Variants in ZNF714 observed in about 807,000 individuals in gnomAD.
ZNF714 encodes the protein zinc finger protein 714.
ZNF714 carries 32 observed loss-of-function variants against 46.2 expected under a neutral mutation model. The observed-to-expected ratio is 0.69, with a 90% CI of 0.52 to 0.93. The LOEUF is 0.93. Among genes scored for constraint, ZNF714 ranks in the 40% least tolerant of loss-of-function variants. The probability of loss-of-function intolerance (pLI) is 0.00; values close to 1 mark genes in which losing one functional copy is unlikely to be tolerated. For missense variants in ZNF714, 635 were observed against 646.3 expected (o/e 0.98, Z 0.19); for synonymous variants, 199 against 213.1 (o/e 0.93, Z 0.58).
chr19:21,108,810 A>G (rs748053951), intron 4 of ZNF714, among the ~76,000 whole-genome samples: 7 of 152,114 alleles, frequency 4.6e-5, no homozygotes, highest in African/African-American at 7.2e-5. Flanking sequence ...TTTTATCTGA[A>G]TTTTCTATTT....
chr19:21,109,474 C>T, intron 4 of ZNF714: 1 of 175,140 alleles, frequency 5.7e-6, no homozygotes, highest in Non-Finnish European at 1.1e-5. Flanking sequence ...GATTCCTCAA[C>T]CTCCAAAAGT....
At chr19:21,085,074 G>T (rs1488892455) in intron 2 of ZNF714, among the ~76,000 whole-genome samples, 1 of 151,970 alleles carries the variant, frequency 6.6e-6, no homozygotes, top group Non-Finnish European at 1.5e-5. Flanking sequence ...GTTTTTTATG[G>T]CTAGGTGAAT....
At chr19:21,105,931 G>A (rs1171939869) in intron 4 of ZNF714, among the ~76,000 whole-genome samples, 5 of 151,756 alleles carry the variant, frequency 3.3e-5, no homozygotes, top group Non-Finnish European at 7.4e-5. Context: ...CTCCAGCCTT[G>A]GTGACAGAAT....
intron 2 of ZNF714, chr19:21,091,400 A>C (rs1016050105): frequency 6.6e-6 from 1 of 152,050 alleles, no homozygotes; most frequent in Non-Finnish European, 1.5e-5. Flanking sequence ...CTTCTATCTC[A>C]CCTTGTGAGT....
intron 4 of ZNF714, among the ~76,000 whole-genome samples, chr19:21,112,351 C>T (rs1969466394): frequency 6.6e-6 from 1 of 152,014 alleles, no homozygotes; most frequent in African/African-American, 2.4e-5. Flanking sequence ...TTATCCATTT[C>T]TTCTAGATTT....
chr19:21,106,345 G>A (rs566169838), intron 4 of ZNF714, among the ~76,000 whole-genome samples: 12 of 151,980 alleles, frequency 7.9e-5, no homozygotes, highest in South Asian at 4.2e-4. Flanking sequence ...CGAGGCGGGC[G>A]GATCACGAGG....
intron 1 of ZNF714, among the ~76,000 whole-genome samples, chr19:21,083,714 G>T (rs1968712103): frequency 6.6e-6 from 1 of 152,098 alleles, no homozygotes; most frequent in African/African-American, 2.4e-5. Flanking sequence ...AGAAAGCAAA[G>T]AATAATCCCC....
chr19:21,085,688 G>C (rs899772874), intron 2 of ZNF714, among the ~76,000 whole-genome samples: 2 of 152,156 alleles, frequency 1.3e-5, no homozygotes, highest in African/African-American at 4.8e-5. Context: ...CTCCCCTGCA[G>C]ATGTCCAGTC....
chr19:21,098,751 C>A, intron 3 of ZNF714, 61 bp from the exon 4 acceptor site: 2 of 1,084,250 alleles, frequency 1.8e-6, no homozygotes, highest in Non-Finnish European at 2.7e-6. Flanking sequence ...TTACTGAGCA[C>A]AGTACTAGGT....
intron 2 of ZNF714, among the ~76,000 whole-genome samples, chr19:21,097,157 C>T (rs373049382): frequency 7.9e-5 from 12 of 152,266 alleles, no homozygotes; most frequent in Middle Eastern, 3.4e-3. Context: ...TGAGCCACCA[C>T]GCCCGGCCTG....
At position 21,098,901 on chromosome 19, in the gene ZNF714, G is replaced by GAAT; in HGVS notation, c.134_136dup (p.Glu45_Ser46insTer). The GAAT allele has an allele frequency of 6.3e-7, 1 of 1,589,830 alleles. No individual in the cohort carries two copies. The highest frequency in any genetic ancestry group is 1.1e-5 in the South Asian group (1 of 89,474). Reference sequence around the variant, plus strand: ...TATGAAGATATGTGAGATGGTGGATGAATCCCCAGGTAGGTGAGAGTGAAC... The same window carrying GAAT: ...TATGAAGATATGTGAGATGGTGGATGAATAATCCCCAGGTAGGTGAGAGTGAAC... On this transcript the variant is annotated stop_gained and inframe_insertion, in exon 4 of 5. Transcript: ENST00000456283. LOFTEE classifies it high-confidence loss of function.
At chr19:21,089,382 C>T (rs759835390) in intron 2 of ZNF714, among the ~76,000 whole-genome samples, 10 of 152,168 alleles carry the variant, frequency 6.6e-5, no homozygotes, top group African/African-American at 9.7e-5. Context: ...TCAGGTCAAA[C>T]GGCCAATATC....
intron 4 of ZNF714, among the ~76,000 whole-genome samples, chr19:21,114,365 G>C (rs1969537629): frequency 6.8e-6 from 1 of 147,186 alleles, no homozygotes; most frequent in South Asian, 2.2e-4. Context: ...GAACCCAGGA[G>C]ATGGAGCTTG....
intron 2 of ZNF714, among the ~76,000 whole-genome samples, chr19:21,096,137 TCTGTGGCAGGGGAGGGC>T (rs1969035464): frequency 2.0e-5 from 3 of 152,178 alleles, no homozygotes; most frequent in Non-Finnish European, 4.4e-5. Flanking sequence ...ATTGTTGGTG[TCTGTGGCAGGGGAGGGC>T]ACCTGTGGAC....
chr19:21,098,411 A>C (rs1969093907), intron 3 of ZNF714, 100 bp downstream of exon 3: 1 of 1,406,732 alleles, frequency 7.1e-7, no homozygotes, highest in Non-Finnish European at 9.8e-7. Flanking sequence ...TGTATAAATG[A>C]GTTTCTGATC....
rs71176814 is a variant in ZNF714 at position 21,118,451 on chromosome 19, CAAAAAAA to C, written c.*130_*136del. 0.015 allele frequency: 2,451 copies of C among 165,386 alleles called. 79 individuals are homozygous for C. The highest frequency in any genetic ancestry group is 0.074 in the African/African-American group (2,307 of 31,304). 10.2% of individuals were successfully genotyped at this position (165,386 alleles called of 1,614,324 possible). Reference sequence around the variant, plus strand: ...TGGGCCACAAGGCAAGACTCTGTCTCAAAAAAAAAAAAAAAAAGAAAAGAAAATTCAT... The same window carrying C: ...TGGGCCACAAGGCAAGACTCTGTCTCAAAAAAAAAAGAAAAGAAAATTCAT... On this transcript the variant is annotated 3_prime_UTR_variant, in exon 5 of 5. Transcript: ENST00000456283.
chr19:21,117,948 A>G lies in ZNF714; in HGVS notation c.1284A>G (p.Glu428=). ...IHTGEKLYKC[E]ECGKAFNRSS... The stretch of plus-strand genomic sequence containing the variant: ...CTGGAGAGAAACTCTACAAATGTGA[A>G]GAATGTGGCAAAGCTTTTAACCGAT... Residue 428 remains glutamate, a synonymous_variant, in exon 5 of 5, where the codon GAA becomes GAG. Coordinates refer to ENST00000456283, the MANE Select transcript of ZNF714 (RefSeq NM_182515.4). 2 of 1,613,454 alleles carry G rather than the reference A, an allele frequency of 1.2e-6. No individual in the cohort carries two copies. Among genetic ancestry groups the G allele is most frequent in the Non-Finnish European group, 1.7e-6 (2 of 1,179,924 alleles).
rs1599557115 is a variant in ZNF714, at chr19:21,118,584, A to T, written c.*252A>T. On this transcript the variant is annotated 3_prime_UTR_variant, in exon 5 of 5. Transcript: ENST00000456283. The stretch of plus-strand genomic sequence containing the variant: ...ATTTATACTGGAGAGAAATTCTACA[A>T]ATGTGAAGAATATGGCAAAGCCTTT... 3.5e-6 allele frequency: 1 copy of T among 285,892 alleles called. No homozygotes were observed. Among genetic ancestry groups the T allele is most frequent in the Non-Finnish European group, 6.9e-6 (1 of 145,736 alleles). 17.7% of individuals were successfully genotyped at this position (285,892 alleles called of 1,614,324 possible).
intron 2 of ZNF714, among the ~76,000 whole-genome samples, chr19:21,093,826 G>T (rs1318054146): frequency 6.6e-6 from 1 of 151,670 alleles, no homozygotes; most frequent in Non-Finnish European, 1.5e-5. Context: ...TAGAGATGGG[G>T]TTTTGTCATG....
Sources: gnomAD v4.1 joint callset for allele counts (sites outside exome capture counted in the v4.1 genomes callset) on GRCh38, gnomAD v4.1.1 for gene constraint, MANE v1.5 for transcripts, NCBI Gene and HGNC (gene_info 2026-07-23, HGNC 2026-07-21) for gene names.